SNTN: variants seen among roughly 807,000 people sequenced by gnomAD.
SNTN encodes sentan.
In SNTN, 13 loss-of-function variants were observed where a neutral mutation model predicts 12.3. The observed-to-expected ratio is 1.05, with a 90% CI of 0.69 to 1.67. The LOEUF (loss-of-function observed/expected upper bound fraction) is 1.67, where lower values mean the gene tolerates loss of function less well. SNTN is among the 40% of genes most tolerant of loss of function. SNTN has a pLI of 0.00. For synonymous variants in SNTN, 69 were observed against 58.5 expected, an observed-to-expected ratio of 1.18 and a Z score of -0.82; for missense variants, 189 against 169.8, an observed-to-expected ratio of 1.11 and a Z score of -0.63.
intron 2 of SNTN, among the ~76,000 whole-genome samples, chr3:63,657,263 C>T (rs920374349): frequency 4.6e-5 from 7 of 152,118 alleles, no homozygotes; most frequent in Non-Finnish European, 8.8e-5. Context: ...CAGCAGAAAT[C>T]GGCCTGGCTT....
Position 63,663,968 on chromosome 3 carries a change from T to G in SNTN, c.317T>G (p.Ile106Ser). 4 of 1,613,256 alleles carry G rather than the reference T, an allele frequency of 2.5e-6. No homozygotes were observed. The highest frequency in any genetic ancestry group is 2.5e-6 in the Non-Finnish European group (3 of 1,179,822). ...GAAACCAAGCCAAAATACAGAGAGA[T>G]CCTTTCTGAACTTGATGAGCACACA... ...GQETKPKYRE[I>S]LSELDEHTEN... is the part of the protein sequence containing the mutation. The change falls in exon 4 of 4, where the codon ATC (isoleucine) becomes AGC (serine). Residue 106 changes from isoleucine (I) to serine (S), a missense_variant. Physicochemically the swap from Ile to Ser is moderately radical, Grantham distance 142. Coordinates refer to ENST00000343837, the MANE Select transcript of SNTN (RefSeq NM_001080537.2).
rs936235024 is a variant in SNTN, at chr3:63,664,976, G to C, written c.*881G>C. Among the ~76,000 whole-genome samples, 1 of 151,852 alleles carries C rather than the reference G, an allele frequency of 6.6e-6. No individual in the cohort carries two copies. The highest frequency in any genetic ancestry group is 1.5e-5 in the Non-Finnish European group (1 of 67,970). On this transcript the variant is annotated 3_prime_UTR_variant, in exon 4 of 4. Transcript: ENST00000343837. ...TCGCCATGTCGGCCAGGCTGGTCTC[G>C]AACTCCTGACCTCAGGTGATCCGCC...
intron 1 of SNTN, 27 bp downstream of exon 1, chr3:63,652,824 T>C: frequency 6.3e-7 from 1 of 1,590,606 alleles, no homozygotes; most frequent in Non-Finnish European, 8.6e-7. Flanking sequence ...TGTCTTTTAT[T>C]GAGTTTCATT....
At chr3:63,657,532 A>G (rs1700693555) in intron 2 of SNTN, among the ~76,000 whole-genome samples, 1 of 152,222 alleles carries the variant, frequency 6.6e-6, no homozygotes, top group Non-Finnish European at 1.5e-5. Flanking sequence ...GAACAACCAG[A>G]GTTCCTCGTT....
Position 63,664,724 on chromosome 3 carries a change from G to A in SNTN, c.*629G>A, listed in dbSNP as rs527526514. 5.3e-5 allele frequency: 7 copies of A among 132,512 alleles called. No individual in the cohort carries two copies. The highest frequency in any genetic ancestry group is 2.0e-4 in the African/African-American group (7 of 35,190). The allele number at this position is 132,512 out of a possible 1,614,324, so 8.2% of individuals were successfully genotyped here. On this transcript the variant is annotated 3_prime_UTR_variant, in exon 4 of 4. Coordinates refer to ENST00000343837, the MANE Select transcript of SNTN (RefSeq NM_001080537.2). ...TGGGGCTGTCCACAAATGGCACAAG[G>A]GGAGTTTTTTATTTTATTTTATTTT...
At chr3:63,662,898 A>C (rs1319751374) in intron 3 of SNTN, among the ~76,000 whole-genome samples, 1 of 152,338 alleles carries the variant, frequency 6.6e-6, no homozygotes, top group South Asian at 2.1e-4. Context: ...ACAAGCTGTG[A>C]TTTGAAATTA....
At chr3:63,660,518 G>C (rs2106942865) in intron 3 of SNTN, among the ~76,000 whole-genome samples, 1 of 152,304 alleles carries the variant, frequency 6.6e-6, no homozygotes, top group East Asian at 1.9e-4. Context: ...TGATGGCTTA[G>C]ACTACGGCGG....
Position 63,664,221 on chromosome 3 carries a change from C to A in SNTN, c.*126C>A. 1 of 889,486 alleles carries A rather than the reference C, an allele frequency of 1.1e-6. No individual in the cohort carries two copies. The allele number at this position is 889,486 out of a possible 1,614,324, so 55.1% of individuals were successfully genotyped here. On this transcript the variant is annotated 3_prime_UTR_variant, in exon 4 of 4. Transcript: ENST00000343837. Reference sequence around the variant, plus strand: ...AAATTGCCTAGGATGGTTCTGATTGCTGGTATTCAGATCCAATGTAACTCC... The same window carrying A: ...AAATTGCCTAGGATGGTTCTGATTGATGGTATTCAGATCCAATGTAACTCC...
chr3:63,662,545 T>C (rs1368773414), intron 3 of SNTN, among the ~76,000 whole-genome samples: 1 of 152,188 alleles, frequency 6.6e-6, no homozygotes, highest in Non-Finnish European at 1.5e-5. Flanking sequence ...AATACCTATC[T>C]CATACCTCTG....
chr3:63,654,935 G>T, intron 2 of SNTN, 139 bp downstream of exon 2: 1 of 761,300 alleles, frequency 1.3e-6, no homozygotes, highest in Admixed American at 2.5e-5. Flanking sequence ...TATTCATGAT[G>T]TTCTTTTTAA....
chr3:63,660,121 A>G (rs555292622), intron 3 of SNTN, among the ~76,000 whole-genome samples: 5 of 152,334 alleles, frequency 3.3e-5, no homozygotes, highest in Admixed American at 1.3e-4. Context: ...ATTCAGTGAG[A>G]GTAAAACAGA....
At chr3:63,658,401 A>AATATATATATATATATATATAT (rs58847521) in intron 2 of SNTN, among the ~76,000 whole-genome samples, 1 of 123,138 alleles carries the variant, frequency 8.1e-6, no homozygotes, top group African/African-American at 2.7e-5. Flanking sequence ...ACAAGTTGTA[A>AATATATATATATATATATATAT]ATATATATAT....
At chr3:63,663,841 T>C in intron 3 of SNTN, 96 bp from the exon 4 acceptor site, 1 of 1,453,186 alleles carries the variant, frequency 6.9e-7, no homozygotes, top group Non-Finnish European at 9.6e-7. Context: ...GGTATTCTAT[T>C]ACAGCAACAC....
At position 63,654,781 on chromosome 3, in the gene SNTN, C is replaced by G. The variant is rs201763891; in HGVS notation, c.130C>G (p.Leu44Val). Reference sequence around the variant, plus strand: ...TGGCAGGATTTCAATATCCAAACAACTGGCTTCAGTGAAAGGTAAGGCACA... The same window carrying G: ...TGGCAGGATTTCAATATCCAAACAAGTGGCTTCAGTGAAAGGTAAGGCACA... ...MPKRISISKQ[L>V]ASVKALRKCS... Residue 44 changes from leucine to valine, a missense_variant, in exon 2 of 4, where the codon CTG becomes GTG. Coordinates refer to ENST00000343837, the MANE Select transcript of SNTN (RefSeq NM_001080537.2). 1.1e-5 allele frequency: 17 copies of G among 1,613,130 alleles called. No individual in the cohort carries two copies. The Middle Eastern group carries it at 1.3e-3, about 125-fold the overall frequency.
intron 2 of SNTN, among the ~76,000 whole-genome samples, chr3:63,657,002 A>G (rs925512318): frequency 2.0e-5 from 3 of 152,298 alleles, no homozygotes; most frequent in East Asian, 3.9e-4. Context: ...AGTCATGTGC[A>G]TTCATCCCAG....
intron 2 of SNTN, among the ~76,000 whole-genome samples, chr3:63,655,424 T>G (rs1451310544): frequency 6.6e-6 from 1 of 152,176 alleles, no homozygotes; most frequent in Non-Finnish European, 1.5e-5. Flanking sequence ...CCTAGATGAC[T>G]AGCCAAACTC....
intron 2 of SNTN, among the ~76,000 whole-genome samples, chr3:63,658,562 G>A (rs1470788991): frequency 1.3e-5 from 2 of 151,580 alleles, no homozygotes; most frequent in Admixed American, 6.6e-5. Flanking sequence ...CCACATCTGA[G>A]GTTTTTTAAT....
Position 63,664,975 on chromosome 3 carries a change from C to T in SNTN, c.*880C>T, listed in dbSNP as rs889981247. On this transcript the variant is annotated 3_prime_UTR_variant, in exon 4 of 4. Transcript: ENST00000343837. The stretch of plus-strand genomic sequence containing the variant: ...TTCGCCATGTCGGCCAGGCTGGTCT[C>T]GAACTCCTGACCTCAGGTGATCCGC... Among the ~76,000 whole-genome samples, 19 of 151,948 alleles carry T rather than the reference C, an allele frequency of 1.3e-4. No individual in the cohort carries two copies. Among genetic ancestry groups the T allele is most frequent in the Non-Finnish European group, 2.1e-4 (14 of 68,008 alleles).
At chr3:63,654,260 A>T (rs1031563645) in intron 1 of SNTN, among the ~76,000 whole-genome samples, 2 of 152,226 alleles carry the variant, frequency 1.3e-5, no homozygotes, top group African/African-American at 4.8e-5. Flanking sequence ...TGGAACAAAA[A>T]AACTTCAAAG....
Sources: allele counts gnomAD v4.1 joint callset (sites outside exome capture counted in the v4.1 genomes callset), GRCh38; gene constraint gnomAD v4.1.1; transcripts MANE v1.5; gene names NCBI Gene and HGNC (gene_info 2026-07-23, HGNC 2026-07-21).